Variants in ERCC5 observed in about 807,000 individuals in gnomAD.
ERCC5 encodes the protein DNA excision repair protein ERCC-5.
ERCC5 carries 68 observed loss-of-function variants against 105.6 expected under a neutral mutation model. The observed-to-expected ratio is 0.64, with a 90% CI of 0.53 to 0.79. The LOEUF (loss-of-function observed/expected upper bound fraction) is 0.79, where lower values mean the gene tolerates loss of function less well. Among genes scored for constraint, ERCC5 ranks in the 30% least tolerant of loss-of-function variants. The pLI is 0.00. For synonymous variants in ERCC5, 546 were observed against 526.2 expected, an observed-to-expected ratio of 1.04 and a Z score of -0.51; for missense variants, 1,373 against 1,426.7, an observed-to-expected ratio of 0.96 and a Z score of 0.61.
At position 102,865,697 on chromosome 13, in the gene ERCC5, G is replaced by T; in HGVS notation, c.1985G>T (p.Ser662Ile). The stretch of plus-strand genomic sequence containing the variant: ...TTCATTGAAGTGCAAAGTGTGATTA[G>T]TGATGAGGAACTTCAAGCAGAATTC... ...GSFIEVQSVI[S>I]DEELQAEFPE... Residue 662 changes from serine (S) to isoleucine (I), a missense_variant, in exon 9 of 15, where the codon AGT becomes ATT. This residue lies in a region of ERCC5 where 1,004 missense variants were observed against 1,059.7 expected (regional missense o/e 0.95). Coordinates refer to ENST00000652225, the MANE Select transcript of ERCC5 (RefSeq NM_000123.4). This position sits in a 1 kb window ranked among gnomAD's most constrained non-coding sequence, Gnocchi z 4.0. The T allele has an allele frequency of 6.2e-7, 1 of 1,613,848 alleles. No individual in the cohort carries two copies. The highest frequency in any genetic ancestry group is 1.1e-5 in the South Asian group (1 of 91,038).
intron 14 of ERCC5, among the ~76,000 whole-genome samples, chr13:102,874,362 G>A (rs181103524): frequency 6.6e-6 from 1 of 152,178 alleles, no homozygotes; most frequent in African/African-American, 2.4e-5. Context: ...CAACTTATTA[G>A]CATATTTTCT....
chr13:102,875,112 T>C (rs940423218), intron 14 of ERCC5, among the ~76,000 whole-genome samples, 195 bp from the exon 15 acceptor site: 5 of 152,152 alleles, frequency 3.3e-5, no homozygotes, highest in Admixed American at 2.6e-4. Context: ...CAAGTACTGC[T>C]TTAGGTATGA....
intron 14 of ERCC5, among the ~76,000 whole-genome samples, chr13:102,873,787 T>A (rs965047540): frequency 6.6e-6 from 1 of 152,146 alleles, no homozygotes; most frequent in Non-Finnish European, 1.5e-5. Context: ...TAGGAGAGGT[T>A]TTTGTGGGAA....
At chr13:102,856,332 A>T (rs1454100477) in intron 5 of ERCC5, among the ~76,000 whole-genome samples, 1 of 152,228 alleles carries the variant, frequency 6.6e-6, no homozygotes, top group South Asian at 2.1e-4. Flanking sequence ...CATTATGCAC[A>T]TCTATATATT....
rs1011757619 is a variant in ERCC5 at position 102,863,186 on chromosome 13, G to A, written c.1954+83G>A. ...TTCAGAGATCGGTTAGTGTAGTCCC[G>A]TTTTAACTTTTTACAGATAAGGAAC... On this transcript the variant is annotated intron_variant, in intron 8 of 14. Transcript: ENST00000652225. 1.2e-5 allele frequency: 17 copies of A among 1,476,068 alleles called. No individual in the cohort carries two copies. The Admixed American group carries it at 1.2e-4, about 10-fold the overall frequency. 91.4% of individuals were successfully genotyped at this position (1,476,068 alleles called of 1,614,324 possible).
At chr13:102,874,088 A>G (rs960452891) in intron 14 of ERCC5, among the ~76,000 whole-genome samples, 1 of 152,260 alleles carries the variant, frequency 6.6e-6, no homozygotes, top group African/African-American at 2.4e-5. Context: ...TGGAAACATT[A>G]TAAACCAACC....
At chr13:102,854,232 T>C in intron 3 of ERCC5, 56 bp from the exon 4 acceptor site, 2 of 1,566,350 alleles carry the variant, frequency 1.3e-6, no homozygotes, top group East Asian at 2.2e-5. Flanking sequence ...CAGGTCCCTG[T>C]TCACCATCCT....
chr13:102,861,416 T>C lies in ERCC5; in HGVS notation c.673-91T>C, dbSNP rs1034924696. Reference sequence around the variant, plus strand: ...CATCAATGAAAAAAGCCAATTGTTCTTTGTTCCCTGTTGGGGAAAGGGTGG... The same window carrying C: ...CATCAATGAAAAAAGCCAATTGTTCCTTGTTCCCTGTTGGGGAAAGGGTGG... On this transcript the variant is annotated intron_variant, in intron 6 of 14. Coordinates refer to ENST00000652225, the MANE Select transcript of ERCC5 (RefSeq NM_000123.4). 2.8e-6 allele frequency: 4 copies of C among 1,425,242 alleles called. No homozygotes were observed. The African/African-American group carries it at 5.7e-5, about 20-fold the overall frequency. 88.3% of individuals were successfully genotyped at this position (1,425,242 alleles called of 1,614,324 possible). A position where few individuals can be genotyped will look rare whatever the true frequency, so the allele number is the denominator to read the frequency against.
chr13:102,850,672 G>A (rs9554901), intron 1 of ERCC5, among the ~76,000 whole-genome samples: 62,641 of 151,982 alleles, frequency 0.41, 13,750 homozygotes, highest in East Asian at 0.75. Flanking sequence ...TGAGATGGGG[G>A]CATGAGCAGC....
chr13:102,866,771 A>G lies in ERCC5; in HGVS notation c.2459A>G (p.His820Arg), dbSNP rs1882857459. 3 of 1,614,266 alleles carry G rather than the reference A, an allele frequency of 1.9e-6. No homozygotes were observed. Among genetic ancestry groups the G allele is most frequent in the African/African-American group, 1.3e-5 (1 of 75,082 alleles). The change falls in exon 11 of 15, where the codon CAT becomes CGT. Residue 820 changes from histidine to arginine, a missense_variant. By Grantham distance (29) the His-to-Arg change is conservative. This residue lies in a region of ERCC5 where 1,004 missense variants were observed against 1,059.7 expected (regional missense o/e 0.95). Coordinates refer to ENST00000652225, the MANE Select transcript of ERCC5 (RefSeq NM_000123.4). ...GATATCTGGCTGTTTGGAGCGCGGC[A>G]TGTCTATAGAAACTTTTTTAATAAA... ...DSDIWLFGAR[H>R]VYRNFFNKNK... is the part of the protein sequence containing the mutation.
chr13:102,861,149 C>T (rs992908921), intron 6 of ERCC5, among the ~76,000 whole-genome samples: 4 of 151,948 alleles, frequency 2.6e-5, no homozygotes, highest in African/African-American at 4.8e-5. Flanking sequence ...CCATCACACC[C>T]GGCTAATTTT....
At chr13:102,852,415 A>T (rs1473981885) in intron 2 of ERCC5, 122 bp downstream of exon 2, 1 of 1,104,864 alleles carries the variant, frequency 9.1e-7, no homozygotes, top group Non-Finnish European at 1.3e-6. Flanking sequence ...ATTTTGACAC[A>T]TACTTAATTA....
chr13:102,862,252 A>G lies in ERCC5; in HGVS notation c.1103A>G (p.Gln368Arg), dbSNP rs1158995456. 6.2e-7 allele frequency: 1 copy of G among 1,614,050 alleles called. No homozygotes were observed. The highest frequency in any genetic ancestry group is 8.5e-7 in the Non-Finnish European group (1 of 1,180,052). Residue 368 changes from glutamine (Q) to arginine (R), a missense_variant, in exon 8 of 15, where the codon CAG becomes CGG. Physicochemically the swap from Gln to Arg is conservative, Grantham distance 43 (BLOSUM62 1). Transcript: ENST00000652225. ...GAGCTGGAGAGTGAAAATCGAAGGC[A>G]GGCCCGTGGGAGGAACGCACCTGCT... ...EEELESENRR[Q>R]ARGRNAPAAV...
intron 5 of ERCC5, among the ~76,000 whole-genome samples, chr13:102,857,378 G>A (rs760961438): frequency 1.3e-5 from 2 of 151,978 alleles, no homozygotes; most frequent in South Asian, 2.1e-4. Context: ...TTTGTAAAAC[G>A]AAATTGATAT....
At chr13:102,870,021 C>T (rs1386780383) in intron 12 of ERCC5, among the ~76,000 whole-genome samples, 1 of 152,162 alleles carries the variant, frequency 6.6e-6, no homozygotes, top group African/African-American at 2.4e-5. Context: ...TGGCTCAGGA[C>T]ATTTAGGATG....
At chr13:102,871,895 G>A (rs1202199068) in intron 12 of ERCC5, among the ~76,000 whole-genome samples, 1 of 152,106 alleles carries the variant, frequency 6.6e-6, no homozygotes, top group Non-Finnish European at 1.5e-5. Context: ...TCTTGAGCCA[G>A]TTACTTATTT....
chr13:102,872,083 C>A, intron 12 of ERCC5, 115 bp from the exon 13 acceptor site: 2 of 1,182,402 alleles, frequency 1.7e-6, no homozygotes, highest in Non-Finnish European at 2.4e-6. Context: ...TTCTATATAG[C>A]ATACAATTTG....
intron 6 of ERCC5, chr13:102,858,960 T>C: frequency 2.2e-6 from 1 of 456,034 alleles, no homozygotes; most frequent in Middle Eastern, 3.3e-4. Context: ...CTCTCCACAT[T>C]CCCTTGCCCT....
rs531393037 is a variant in ERCC5, at chr13:102,857,402, A to G, written c.529-873A>G. 3.7e-3 allele frequency among the ~76,000 whole-genome samples: 562 copies of G among 152,108 alleles called. 3 individuals are homozygous for G. The highest frequency in any genetic ancestry group is 6.4e-3 in the Non-Finnish European group (432 of 68,004). On this transcript the variant is annotated intron_variant, in intron 5 of 14. Transcript: ENST00000652225. ...CGAAATTGATATCAATGCCTTCCTGATGGGGGTGATGGGAGCATTAGTGAG... is the reference window on the plus strand; with the variant it reads ...CGAAATTGATATCAATGCCTTCCTGGTGGGGGTGATGGGAGCATTAGTGAG...
Sources: gnomAD v4.1 joint callset for allele counts (sites outside exome capture counted in the v4.1 genomes callset) on GRCh38, gnomAD v4.1.1 for gene constraint, gnomAD v4.1.1 regional missense constraint, Gnocchi (gnomAD v3.1) non-coding constraint, MANE v1.5 for transcripts, NCBI Gene and HGNC (gene_info 2026-07-23, HGNC 2026-07-21) for gene names.